The following TMEM131 variants were observed in gnomAD, a reference collection of about 807,000 sequenced individuals.
The protein encoded by TMEM131 is transmembrane protein 131, also known as 2610524E03Rik.
Under a neutral mutation model 211.6 loss-of-function variants are expected in TMEM131, and 66 were observed. The ratio of observed to expected loss-of-function variants is 0.31; its 90% confidence interval spans 0.26 to 0.38. TMEM131 has a LOEUF of 0.38. Among genes scored for constraint, TMEM131 ranks in the 10% least tolerant of loss-of-function variants. The probability of loss-of-function intolerance (pLI) is 1.00; values close to 1 mark genes in which losing one functional copy is unlikely to be tolerated. For missense variants in TMEM131, 2,036 were observed against 2,299.3 expected (o/e 0.89, Z 2.34); for synonymous variants, 844 against 841.3 (o/e 1.00, Z -0.06).
rs760785549 is a variant in TMEM131, at chr2:97,762,095, G to A, written c.4829C>T (p.Ala1610Val). The change falls in exon 36 of 41, where the codon GCC becomes GTC. Residue 1610 changes from alanine (A) to valine (V), a missense_variant. By Grantham distance (64) the Ala-to-Val change is moderately conservative (BLOSUM62 0). This residue lies in a region of TMEM131 where 1,623 missense variants were observed against 1,805.9 expected (regional missense o/e 0.90). Transcript: ENST00000186436. Reference protein sequence around the residue: ...PTPASPSPPAAPCPFVARGSY... With the variant: ...PTPASPSPPAVPCPFVARGSY... ...GCCCCGGGCCACAAAGGGGCAGGGG[G>A]CAGCTGGGGGAGACGGGGAAGCAGG... is the stretch of plus-strand genomic sequence containing the variant. 2.5e-6 allele frequency: 4 copies of A among 1,611,808 alleles called. No homozygotes were observed. The highest frequency in any genetic ancestry group is 2.2e-5 in the East Asian group (1 of 44,840).
chr2:97,943,050 AAAGAAAGAAAGAAAGAAAG>A (rs1559464543), intron 1 of TMEM131, among the ~76,000 whole-genome samples: 1 of 56,004 alleles, frequency 1.8e-5, no homozygotes, highest in East Asian at 3.1e-4. Flanking sequence ...AGAAAGAAAG[AAAGAAAGAAAGAAAGAAAG>A]AAAGAAAGAA....
intron 1 of TMEM131, among the ~76,000 whole-genome samples, chr2:97,988,907 G>A (rs1680145417): frequency 6.6e-6 from 1 of 152,116 alleles, no homozygotes; most frequent in Non-Finnish European, 1.5e-5. Context: ...TCTCTTCTGG[G>A]TAGATATGCA....
chr2:97,772,492 G>C (rs967275418), intron 32 of TMEM131, 68 bp from the exon 33 acceptor site: 1 of 1,502,052 alleles, frequency 6.7e-7, no homozygotes, highest in East Asian at 2.3e-5. Context: ...TCCATTTTAA[G>C]ATACAGACAC....
Position 97,792,865 on chromosome 2 carries a change from C to T in TMEM131, c.3665G>A (p.Ser1222Asn). The T allele has an allele frequency of 6.2e-7, 1 of 1,613,754 alleles. No homozygotes were observed. Among genetic ancestry groups the T allele is most frequent in the Middle Eastern group, 1.6e-4 (1 of 6,062 alleles). ...AGCTGAGTTTCTATTGCTGTGACTG[C>T]TGTGTGGGTGGACCGATGGGCCACA... ...KQCGPSVHPH[S>N]SHSNRNSADV... The change falls in exon 31 of 41, where the codon AGC becomes AAC. Residue 1222 changes from serine (S) to asparagine (N), a missense_variant. Physicochemically the swap from Ser to Asn is conservative, Grantham distance 46. This residue lies in a region of TMEM131 where 1,623 missense variants were observed against 1,805.9 expected (regional missense o/e 0.90). Coordinates refer to ENST00000186436, the MANE Select transcript of TMEM131 (RefSeq NM_015348.2).
At chr2:97,782,967 TAAAAAA>T (rs559411882) in intron 31 of TMEM131, among the ~76,000 whole-genome samples, 1 of 130,786 alleles carries the variant, frequency 7.6e-6, no homozygotes, top group Non-Finnish European at 1.6e-5. Flanking sequence ...TATATAGACT[TAAAAAA>T]AAAAAAAAGA....
intron 38 of TMEM131, chr2:97,760,316 TGGA>T: frequency 2.1e-6 from 1 of 474,990 alleles, no homozygotes; most frequent in East Asian, 3.9e-5. Flanking sequence ...GACCAGGAGA[TGGA>T]GGAGAGTGAG....
At chr2:97,974,412 A>C (rs1679439900) in intron 1 of TMEM131, among the ~76,000 whole-genome samples, 1 of 152,120 alleles carries the variant, frequency 6.6e-6, no homozygotes, top group African/African-American at 2.4e-5. Flanking sequence ...GAGGAGGAGG[A>C]GGAGGAGGAC....
intron 11 of TMEM131, among the ~76,000 whole-genome samples, chr2:97,832,527 T>C (rs532662563): frequency 6.6e-6 from 1 of 152,256 alleles, no homozygotes; most frequent in Non-Finnish European, 1.5e-5. Flanking sequence ...TCTTCTCTCT[T>C]TGGTCTACTC....
chr2:97,840,757 A>G (rs1180391081), intron 7 of TMEM131, among the ~76,000 whole-genome samples: 2 of 152,240 alleles, frequency 1.3e-5, no homozygotes, highest in South Asian at 2.1e-4. Context: ...AAAGCAGGAC[A>G]TAAGAACAGG....
At position 97,775,919 on chromosome 2, in the gene TMEM131, T is replaced by A. The variant is rs1679700437; in HGVS notation, c.4244A>T (p.Asp1415Val). The change falls in exon 32 of 41, where the codon GAC becomes GTC. Residue 1415 changes from aspartate to valine, a missense_variant. Asp to Val is a radical substitution (Grantham distance 152, BLOSUM62 -3). Coordinates refer to ENST00000186436, the MANE Select transcript of TMEM131 (RefSeq NM_015348.2). Reference sequence around the variant, plus strand: ...GGAGCTATCATCATCAGCCAAAGAGTCCTTCAGCTCATCTTCCTGTGGCTT... The same window carrying A: ...GGAGCTATCATCATCAGCCAAAGAGACCTTCAGCTCATCTTCCTGTGGCTT... Reference protein sequence around the residue: ...KGKPQEDELKDSLADDDSSST... With the variant: ...KGKPQEDELKVSLADDDSSST... 1 of 1,613,660 alleles carries A rather than the reference T, an allele frequency of 6.2e-7. No individual in the cohort carries two copies. The highest frequency in any genetic ancestry group is 8.5e-7 in the Non-Finnish European group (1 of 1,179,852).
chr2:97,924,483 C>T (rs1471855993), intron 2 of TMEM131, among the ~76,000 whole-genome samples: 1 of 152,180 alleles, frequency 6.6e-6, no homozygotes, highest in Non-Finnish European at 1.5e-5. Flanking sequence ...TCCACTGGCC[C>T]TGTGGGGACA....
chr2:97,832,250 T>C (rs1272594343), intron 11 of TMEM131, among the ~76,000 whole-genome samples: 2 of 152,216 alleles, frequency 1.3e-5, no homozygotes, highest in Non-Finnish European at 2.9e-5. Context: ...TAGTTCTTCA[T>C]TCACATTCTT....
At chr2:97,901,535 AAG>A (rs1413764089) in intron 3 of TMEM131, among the ~76,000 whole-genome samples, 2 of 152,180 alleles carry the variant, frequency 1.3e-5, no homozygotes, top group Non-Finnish European at 2.9e-5. Flanking sequence ...AAATCAACCT[AAG>A]TGTCCATCAA....
At chr2:97,941,678 A>G (rs914197876) in intron 1 of TMEM131, among the ~76,000 whole-genome samples, 10 of 152,254 alleles carry the variant, frequency 6.6e-5, no homozygotes, top group African/African-American at 2.2e-4. Context: ...ATGAACAGGC[A>G]CTTCTCAAAA....
chr2:97,914,742 T>C (rs1379996641), intron 2 of TMEM131, among the ~76,000 whole-genome samples: 1 of 152,262 alleles, frequency 6.6e-6, no homozygotes, highest in African/African-American at 2.4e-5. Flanking sequence ...TTGTATTCCA[T>C]GGTATGAACG....
chr2:97,788,688 T>G (rs1395157954), intron 31 of TMEM131, among the ~76,000 whole-genome samples: 3 of 152,162 alleles, frequency 2.0e-5, no homozygotes, highest in East Asian at 3.9e-4. Flanking sequence ...TCACACAGAC[T>G]GGGTCTTGCT....
chr2:97,840,955 G>C lies in TMEM131; in HGVS notation c.723+860C>G, dbSNP rs376758474. On this transcript the variant is annotated intron_variant, in intron 7 of 40. Transcript: ENST00000186436. ...TTTCCTCTTCCATTGTTTATGAACAGTTATACCAGGGTGGTCTGGGACAAC... is the reference window on the plus strand; with the variant it reads ...TTTCCTCTTCCATTGTTTATGAACACTTATACCAGGGTGGTCTGGGACAAC... 2.3e-4 allele frequency among the ~76,000 whole-genome samples: 35 copies of C among 152,298 alleles called. 3 individuals are homozygous for C. The East Asian group carries it at 4.6e-3, about 20-fold the overall frequency.
chr2:97,805,277 T>C, intron 21 of TMEM131, 72 bp from the exon 22 acceptor site: 1 of 1,560,472 alleles, frequency 6.4e-7, no homozygotes, highest in Non-Finnish European at 8.7e-7. Context: ...ATTTCTATAG[T>C]AACAAAAGAC....
At position 97,888,260 on chromosome 2, in the gene TMEM131, T is replaced by C. The variant is rs150816600; in HGVS notation, c.291-140A>G. ...TCTAACAATCTATCAGAAATGTGCG[T>C]CACTTTTTAAATTAGCAGAAACCAA... On this transcript the variant is annotated intron_variant, in intron 3 of 40. Coordinates refer to ENST00000186436, the MANE Select transcript of TMEM131 (RefSeq NM_015348.2). 532 of 574,690 alleles carry C rather than the reference T, an allele frequency of 9.3e-4. 1 individual carries two copies. The highest frequency in any genetic ancestry group is 8.9e-3 in the African/African-American group (480 of 53,766). 35.6% of individuals were successfully genotyped at this position (574,690 alleles called of 1,614,324 possible). A position where few individuals can be genotyped will look rare whatever the true frequency, so the allele number is the denominator to read the frequency against.
Sources: gnomAD v4.1 joint callset for allele counts (sites outside exome capture counted in the v4.1 genomes callset) on GRCh38, gnomAD v4.1.1 for gene constraint, gnomAD v4.1.1 regional missense constraint, MANE v1.5 for transcripts, NCBI Gene and HGNC (gene_info 2026-07-23, HGNC 2026-07-21) for gene names.